Variants in ATRNL1 observed in about 807,000 individuals in gnomAD.
ATRNL1 encodes attractin-like protein 1.
In ATRNL1, 95 loss-of-function variants were observed where a neutral mutation model predicts 182.7. The ratio of observed to expected loss-of-function variants is 0.52; its 90% CI spans 0.44 to 0.62. ATRNL1 has a LOEUF of 0.62. Among genes scored for constraint, ATRNL1 ranks in the 20% least tolerant of loss-of-function variants. ATRNL1 has a pLI of 0.00. For synonymous variants in ATRNL1, 576 were observed against 568.3 expected (o/e 1.01, Z -0.19); for missense variants, 1,471 against 1,679.5 (o/e 0.88, Z 2.17).
chr10:115,714,084 G>A (rs1947174171), intron 26 of ATRNL1, among the ~76,000 whole-genome samples: 1 of 151,714 alleles, frequency 6.6e-6, no homozygotes. Flanking sequence ...CTTGGCCCTA[G>A]TTGAAGCCCA....
At chr10:115,315,480 G>C (rs1255156688) in intron 17 of ATRNL1, 38 bp from the exon 18 acceptor site, 1 of 1,391,968 alleles carries the variant, frequency 7.2e-7, no homozygotes, top group Non-Finnish European at 1.0e-6. Context: ...TGAATATATA[G>C]TCATGTTAAC....
intron 21 of ATRNL1, among the ~76,000 whole-genome samples, chr10:115,431,765 T>G (rs947187259): frequency 1.3e-5 from 2 of 152,186 alleles, no homozygotes; most frequent in African/African-American, 2.4e-5. Context: ...AAATTATCTT[T>G]ATTCTCTAGC....
intron 14 of ATRNL1, among the ~76,000 whole-genome samples, chr10:115,284,848 A>G (rs954099431): frequency 6.6e-6 from 1 of 152,220 alleles, no homozygotes; most frequent in African/African-American, 2.4e-5. Flanking sequence ...TTAAGTTGTA[A>G]TGTTCCCCTT....
rs188774336 is a variant in ATRNL1, at chr10:115,801,834, C to G, written c.3904-46043C>G. On this transcript the variant is annotated intron_variant, in intron 27 of 28. Transcript: ENST00000355044. ...TCATTTAAAGGAATATTAAATAATTCAACTTTCACAGTTAGCATCAGATGA... is the reference window on the plus strand; with the variant it reads ...TCATTTAAAGGAATATTAAATAATTGAACTTTCACAGTTAGCATCAGATGA... Among the ~76,000 whole-genome samples, 4 of 152,150 alleles carry G rather than the reference C, an allele frequency of 2.6e-5. No individual in the cohort carries two copies. The East Asian group carries it at 7.7e-4, about 29-fold the overall frequency.
chr10:115,713,447 G>GTGTGTGTGTGTGTGTGTT (rs1565310299), intron 26 of ATRNL1, among the ~76,000 whole-genome samples: 2 of 108,748 alleles, frequency 1.8e-5, no homozygotes. Flanking sequence ...AAGTGGCTGT[G>GTGTGTGTGTGTGTGTGTT]TGTGTGTGTG....
At chr10:115,301,783 CAAAGA>C (rs1295280139) in intron 16 of ATRNL1, 67 bp from the exon 17 acceptor site, 22 of 1,323,436 alleles carry the variant, frequency 1.7e-5, no homozygotes, top group Non-Finnish European at 2.0e-5. Context: ...AACAGCAAAG[CAAAGA>C]AAACCCATAC....
At chr10:115,504,867 A>G (rs1217600271) in intron 24 of ATRNL1, among the ~76,000 whole-genome samples, 1 of 152,092 alleles carries the variant, frequency 6.6e-6, no homozygotes, top group Non-Finnish European at 1.5e-5. Context: ...ACAAAAATAC[A>G]TAGATGTATT....
In ATRNL1 at chr10:115,482,848, G is replaced by T. The variant is rs537636682; in HGVS notation, c.3654+13519G>T. On this transcript the variant is annotated intron_variant, in intron 24 of 28. Transcript: ENST00000355044. ...GGCATAAAAGAAGTTAGAGGTGAAGGTCTTAAATATTCTTTGTTTTAGCAT... is the reference window on the plus strand; with the variant it reads ...GGCATAAAAGAAGTTAGAGGTGAAGTTCTTAAATATTCTTTGTTTTAGCAT... 1.1e-4 allele frequency among the ~76,000 whole-genome samples: 16 copies of T among 151,188 alleles called. No individual in the cohort carries two copies. In the South Asian group the frequency reaches 3.3e-3, roughly 31 times the overall value.
chr10:115,183,632 A>G (rs1193411823), intron 8 of ATRNL1, among the ~76,000 whole-genome samples: 1 of 151,596 alleles, frequency 6.6e-6, no homozygotes, highest in Non-Finnish European at 1.5e-5. Flanking sequence ...TTCAAATTGA[A>G]CCCAGTAAAT....
chr10:115,914,701 T>TGGAG (rs1405621325), intron 28 of ATRNL1, among the ~76,000 whole-genome samples: 1 of 152,210 alleles, frequency 6.6e-6, no homozygotes, highest in Non-Finnish European at 1.5e-5. Context: ...GGTTGACTGG[T>TGGAG]GGAGACCTTT....
chr10:115,327,083 T>C (rs1554933546), intron 18 of ATRNL1, among the ~76,000 whole-genome samples: 1 of 150,960 alleles, frequency 6.6e-6, no homozygotes, highest in East Asian at 2.0e-4. Flanking sequence ...AATTGACAAA[T>C]GGGATCTAAT....
chr10:115,505,721 GA>G (rs561518640), intron 24 of ATRNL1, among the ~76,000 whole-genome samples: 8 of 150,130 alleles, frequency 5.3e-5, no homozygotes, highest in African/African-American at 1.7e-4. Flanking sequence ...TTCTAGGAGA[GA>G]AAAAAAAACA....
chr10:115,361,008 C>T (rs1186540430), intron 19 of ATRNL1, among the ~76,000 whole-genome samples: 1 of 151,868 alleles, frequency 6.6e-6, no homozygotes, highest in African/African-American at 2.4e-5. Flanking sequence ...TAGGGATGCT[C>T]ACAATGAACC....
intron 10 of ATRNL1, 22 bp downstream of exon 10, chr10:115,241,747 A>G: frequency 6.3e-7 from 1 of 1,588,262 alleles, no homozygotes; most frequent in Admixed American, 1.7e-5. Context: ...TTAGGATTGT[A>G]CAAAGTAGGA....
At chr10:115,709,864 GTT>G (rs1947012327) in intron 26 of ATRNL1, among the ~76,000 whole-genome samples, 1 of 151,970 alleles carries the variant, frequency 6.6e-6, no homozygotes, top group Non-Finnish European at 1.5e-5. Flanking sequence ...CTCATCACTT[GTT>G]TATGCTACTT....
At chr10:115,867,891 C>T (rs1304671396) in intron 28 of ATRNL1, among the ~76,000 whole-genome samples, 2 of 152,006 alleles carry the variant, frequency 1.3e-5, no homozygotes, top group Admixed American at 1.3e-4. Context: ...CATGTGCCAC[C>T]ACTCCCAGCT....
chr10:115,479,292 A>G (rs1170348486), intron 24 of ATRNL1, among the ~76,000 whole-genome samples: 1 of 151,584 alleles, frequency 6.6e-6, no homozygotes, highest in Non-Finnish European at 1.5e-5. Flanking sequence ...CTATGAATGG[A>G]ATTCTAGAAA....
intron 24 of ATRNL1, among the ~76,000 whole-genome samples, chr10:115,473,883 A>G (rs782058625): frequency 5.3e-5 from 8 of 151,268 alleles, no homozygotes; most frequent in Non-Finnish European, 1.0e-4. Flanking sequence ...GTCATTTCTT[A>G]TGACCTTTTG....
intron 26 of ATRNL1, among the ~76,000 whole-genome samples, chr10:115,669,570 G>A (rs190649935): frequency 6.6e-6 from 1 of 152,012 alleles, no homozygotes; most frequent in Admixed American, 6.6e-5. Context: ...TCCCTTTCTT[G>A]TGAACTACAG....
Sources: gnomAD v4.1 joint callset for allele counts (sites outside exome capture counted in the v4.1 genomes callset) on GRCh38, gnomAD v4.1.1 for gene constraint, MANE v1.5 for transcripts, NCBI Gene and HGNC (gene_info 2026-07-23, HGNC 2026-07-21) for gene names.